The following RAD51B variants were observed in gnomAD, a reference collection of about 807,000 sequenced individuals.
RAD51B encodes the protein DNA repair protein RAD51 homolog 2.
A neutral mutation model predicts 42.2 loss-of-function variants in RAD51B; 38 were observed. The ratio of observed to expected loss-of-function variants is 0.90; its 90% CI spans 0.70 to 1.18. RAD51B has a LOEUF of 1.18. Among genes scored for constraint, RAD51B ranks in the 50% most tolerant of loss-of-function variants. The pLI is 0.00. For missense variants in RAD51B, 373 were observed against 400.7 expected (o/e 0.93, Z 0.59); for synonymous variants, 154 against 145.2 (o/e 1.06, Z -0.43).
At chr14:68,224,802 C>G (rs2080002727) in intron 7 of RAD51B, among the ~76,000 whole-genome samples, 1 of 152,022 alleles carries the variant, frequency 6.6e-6, no homozygotes, top group Non-Finnish European at 1.5e-5. Context: ...TCAAGCAATT[C>G]TCTGCCTCAG....
chr14:68,592,927 C>T (rs1237464838), intron 10 of RAD51B, among the ~76,000 whole-genome samples: 1 of 148,910 alleles, frequency 6.7e-6, no homozygotes, highest in Non-Finnish European at 1.5e-5. Flanking sequence ...ATGGCCATGG[C>T]CATCAGAATG....
In RAD51B at chr14:68,450,541, C is replaced by A. The variant is rs144864163; in HGVS notation, c.958-17631C>A. On this transcript the variant is annotated intron_variant, in intron 9 of 10. Coordinates refer to ENST00000471583, the MANE Select transcript of RAD51B (RefSeq NM_133510.4). The stretch of plus-strand genomic sequence containing the variant: ...GCCAGGACTTTTTAAAAGACTATAT[C>A]TTCTGAACTTGCCTCCTGTTCCACC... 3.3e-5 allele frequency among the ~76,000 whole-genome samples: 5 copies of A among 152,186 alleles called. No individual in the cohort carries two copies. The East Asian group carries it at 5.8e-4, about 18-fold the overall frequency.
At chr14:68,510,468 C>A (rs1885651497) in intron 10 of RAD51B, among the ~76,000 whole-genome samples, 4 of 152,184 alleles carry the variant, frequency 2.6e-5, no homozygotes, top group Admixed American at 2.6e-4. Context: ...TATGGAGCGC[C>A]AAGGCAGCGG....
chr14:68,195,922 AAAAC>A (rs2079361597), intron 7 of RAD51B, among the ~76,000 whole-genome samples: 6 of 135,224 alleles, frequency 4.4e-5, no homozygotes, highest in African/African-American at 2.8e-5. Flanking sequence ...AAAAAAAAAA[AAAAC>A]AACAATTAGG....
At chr14:68,377,450 A>G (rs2083392864) in intron 8 of RAD51B, among the ~76,000 whole-genome samples, 1 of 152,176 alleles carries the variant, frequency 6.6e-6, no homozygotes, top group Non-Finnish European at 1.5e-5. Context: ...CGTTCCCACT[A>G]TTAAAACTGC....
At chr14:68,621,133 T>C (rs1891938193) in intron 10 of RAD51B, among the ~76,000 whole-genome samples, 1 of 152,222 alleles carries the variant, frequency 6.6e-6, no homozygotes, top group South Asian at 2.1e-4. Context: ...ATTCATTCAA[T>C]CCTGGGAATA....
At chr14:67,922,531 A>G (rs1217833947) in intron 7 of RAD51B, among the ~76,000 whole-genome samples, 1 of 151,894 alleles carries the variant, frequency 6.6e-6, no homozygotes, top group Non-Finnish European at 1.5e-5. Flanking sequence ...TTGTTGTTGC[A>G]GATAGTATGT....
chr14:68,278,071 T>C (rs2081258086), intron 7 of RAD51B, among the ~76,000 whole-genome samples: 1 of 152,236 alleles, frequency 6.6e-6, no homozygotes, highest in Non-Finnish European at 1.5e-5. Flanking sequence ...ATTGGCTCTT[T>C]TGCCTACCAG....
chr14:67,935,895 C>T (rs1566967036), intron 7 of RAD51B, among the ~76,000 whole-genome samples: 3 of 151,968 alleles, frequency 2.0e-5, no homozygotes, highest in Non-Finnish European at 2.9e-5. Flanking sequence ...TTCACTATGG[C>T]GGAATTCTAT....
chr14:68,638,532 C>G (rs1183005460), intron 10 of RAD51B, among the ~76,000 whole-genome samples: 1 of 152,150 alleles, frequency 6.6e-6, no homozygotes, highest in Non-Finnish European at 1.5e-5. Context: ...GTTGTGTACA[C>G]TCTGCAGTCC....
intron 8 of RAD51B, among the ~76,000 whole-genome samples, chr14:68,334,108 C>A (rs1371620538): frequency 6.6e-6 from 1 of 152,104 alleles, no homozygotes; most frequent in African/African-American, 2.4e-5. Context: ...ATGGTGGAAT[C>A]TCATTCTTTT....
At chr14:68,522,580 C>A (rs1456982326) in intron 10 of RAD51B, among the ~76,000 whole-genome samples, 2 of 152,196 alleles carry the variant, frequency 1.3e-5, no homozygotes, top group African/African-American at 4.8e-5. Flanking sequence ...TGATTTCAAG[C>A]ATGTACCGGC....
intron 5 of RAD51B, among the ~76,000 whole-genome samples, chr14:67,882,054 C>G (rs1312471405): frequency 6.6e-6 from 1 of 152,192 alleles, no homozygotes; most frequent in Admixed American, 6.5e-5. Flanking sequence ...TTCACTGCAG[C>G]TTTGACCCCT....
intron 7 of RAD51B, among the ~76,000 whole-genome samples, chr14:67,974,603 T>C (rs1275992994): frequency 1.3e-5 from 2 of 152,134 alleles, no homozygotes; most frequent in Non-Finnish European, 2.9e-5. Context: ...GTTAGGGTAT[T>C]AGATCAAAAC....
At chr14:68,090,594 C>T (rs1345511584) in intron 7 of RAD51B, among the ~76,000 whole-genome samples, 1 of 151,892 alleles carries the variant, frequency 6.6e-6, no homozygotes, top group Non-Finnish European at 1.5e-5. Context: ...TTCAGGTTTG[C>T]AAACATACCC....
At chr14:68,549,305 C>G (rs2140380260) in intron 10 of RAD51B, among the ~76,000 whole-genome samples, 1 of 152,010 alleles carries the variant, frequency 6.6e-6, no homozygotes, top group South Asian at 2.1e-4. Context: ...CTTTGAGCCC[C>G]AAACTTCATT....
At chr14:67,910,441 A>ATATAT (rs1566953763) in intron 7 of RAD51B, among the ~76,000 whole-genome samples, 1 of 146,076 alleles carries the variant, frequency 6.8e-6, no homozygotes, top group African/African-American at 2.5e-5. Context: ...AAAAAAAAAA[A>ATATAT]ATATTTAAAT....
In RAD51B at chr14:68,458,153, A is replaced by G. The variant is rs2085751246; in HGVS notation, c.958-10019A>G. Among the ~76,000 whole-genome samples, 2 of 152,132 alleles carry G rather than the reference A, an allele frequency of 1.3e-5. 1 individual carries two copies. The highest frequency in any genetic ancestry group is 4.1e-4 in the South Asian group (2 of 4,832). ...TATGTGCTAAAAAACAAGTGTAATAAAATTATTTTGGTCTTTTTGTTTCCG... is the reference window on the plus strand; with the variant it reads ...TATGTGCTAAAAAACAAGTGTAATAGAATTATTTTGGTCTTTTTGTTTCCG... On this transcript the variant is annotated intron_variant, in intron 9 of 10. Transcript: ENST00000471583.
At chr14:68,557,219 C>T (rs961781533) in intron 10 of RAD51B, among the ~76,000 whole-genome samples, 4 of 152,178 alleles carry the variant, frequency 2.6e-5, no homozygotes, top group African/African-American at 9.7e-5. Context: ...ATAAACCCAT[C>T]GAAAGTTGAA....
Sources: allele counts gnomAD v4.1 joint callset (sites outside exome capture counted in the v4.1 genomes callset), GRCh38; gene constraint gnomAD v4.1.1; transcripts MANE v1.5; gene names NCBI Gene and HGNC (gene_info 2026-07-23, HGNC 2026-07-21).